Variants in ITGA9 observed in about 807,000 individuals in gnomAD.
ITGA9 encodes the protein integrin alpha-9.
A neutral mutation model predicts 127.8 loss-of-function variants in ITGA9; 56 were observed. The ratio of observed to expected loss-of-function variants is 0.44; its 90% confidence interval spans 0.35 to 0.55. ITGA9 has a LOEUF of 0.55. Among genes scored for constraint, ITGA9 ranks in the 20% least tolerant of loss-of-function variants. ITGA9 has a pLI of 0.00. For missense variants in ITGA9, 1,196 were observed against 1,347.1 expected (o/e 0.89, Z 1.76); for synonymous variants, 508 against 514.5 (o/e 0.99, Z 0.17).
At chr3:37,493,173 T>A (rs1392912302) in intron 4 of ITGA9, among the ~76,000 whole-genome samples, 1 of 152,240 alleles carries the variant, frequency 6.6e-6, no homozygotes, top group Admixed American at 6.5e-5. Context: ...AAAATGTTAC[T>A]AGGCTCTGTG....
chr3:37,644,510 C>T (rs1456938249), intron 16 of ITGA9, among the ~76,000 whole-genome samples: 1 of 152,090 alleles, frequency 6.6e-6, no homozygotes, highest in East Asian at 1.9e-4. Flanking sequence ...ATGGATGCAC[C>T]AAAGGCCCTG....
At chr3:37,552,954 G>A (rs1326999759) in intron 15 of ITGA9, among the ~76,000 whole-genome samples, 1 of 150,674 alleles carries the variant, frequency 6.6e-6, no homozygotes, top group Non-Finnish European at 1.5e-5. Flanking sequence ...GGCGGAGGTT[G>A]CAGTGAGCCA....
intron 21 of ITGA9, among the ~76,000 whole-genome samples, 193 bp from the exon 22 acceptor site, chr3:37,743,733 C>A (rs1055861500): frequency 2.0e-5 from 3 of 152,138 alleles, no homozygotes; most frequent in African/African-American, 7.2e-5. Flanking sequence ...ATTGACGTAA[C>A]CTAAGATGAG....
intron 15 of ITGA9, among the ~76,000 whole-genome samples, chr3:37,617,650 C>T (rs1482484040): frequency 6.6e-6 from 1 of 151,678 alleles, no homozygotes; most frequent in Non-Finnish European, 1.5e-5. Flanking sequence ...TTCTTGGAGG[C>T]TTTGTTCGTT....
chr3:37,816,295 T>C (rs1043847693), intron 27 of ITGA9, among the ~76,000 whole-genome samples: 1 of 152,164 alleles, frequency 6.6e-6, no homozygotes, highest in African/African-American at 2.4e-5. Flanking sequence ...ACTGTTAAGT[T>C]TCTGCTTGAT....
At chr3:37,803,037 A>G (rs1403008636) in intron 26 of ITGA9, among the ~76,000 whole-genome samples, 1 of 152,200 alleles carries the variant, frequency 6.6e-6, no homozygotes, top group Non-Finnish European at 1.5e-5. Context: ...ACTGTGTCCT[A>G]ACTCTAGTGG....
intron 23 of ITGA9, among the ~76,000 whole-genome samples, chr3:37,773,186 G>A (rs1696865204): frequency 6.6e-6 from 1 of 152,226 alleles, no homozygotes; most frequent in Admixed American, 6.5e-5. Flanking sequence ...GCACCGATGT[G>A]CAGAGCAAGG....
chr3:37,719,299 C>T (rs1701166198), intron 18 of ITGA9, among the ~76,000 whole-genome samples: 1 of 152,084 alleles, frequency 6.6e-6, no homozygotes, highest in Non-Finnish European at 1.5e-5. Context: ...TGTGCCAACC[C>T]GAGGGAAGAG....
intron 11 of ITGA9, 52 bp from the exon 12 acceptor site, chr3:37,523,469 T>A: frequency 7.3e-7 from 1 of 1,366,698 alleles, no homozygotes; most frequent in South Asian, 1.2e-5. Flanking sequence ...ACAGTTCTTA[T>A]TTGTGACTGT....
intron 16 of ITGA9, among the ~76,000 whole-genome samples, chr3:37,652,633 T>C (rs918078046): frequency 9.2e-5 from 14 of 152,214 alleles, no homozygotes; most frequent in Non-Finnish European, 1.8e-4. Flanking sequence ...TCTGAGGTGC[T>C]GCCTGGACTT....
intron 22 of ITGA9, chr3:37,748,923 AGACCTCTG>A: frequency 1.3e-6 from 1 of 766,786 alleles, no homozygotes; most frequent in Non-Finnish European, 2.4e-6. Context: ...AAAAAATGAA[AGACCTCTG>A]GACTGTTTAA....
At chr3:37,670,296 A>G (rs1461657619) in intron 17 of ITGA9, among the ~76,000 whole-genome samples, 11 of 151,940 alleles carry the variant, frequency 7.2e-5, no homozygotes, top group Admixed American at 5.2e-4. Flanking sequence ...CACCATGCTC[A>G]CCTTTCCTCC....
chr3:37,727,144 C>T (rs1034018414), intron 18 of ITGA9, among the ~76,000 whole-genome samples: 1 of 152,212 alleles, frequency 6.6e-6, no homozygotes, highest in East Asian at 1.9e-4. Context: ...GGTGCTACAG[C>T]TCGCTGCGCT....
chr3:37,804,031 T>A, intron 27 of ITGA9, 89 bp downstream of exon 27: 1 of 1,585,804 alleles, frequency 6.3e-7, no homozygotes, highest in Non-Finnish European at 8.7e-7. Flanking sequence ...AGTATCCTGT[T>A]AGAGCTTCCT....
chr3:37,684,655 G>T (rs1466065827), intron 18 of ITGA9, among the ~76,000 whole-genome samples: 2 of 152,224 alleles, frequency 1.3e-5, no homozygotes, highest in East Asian at 3.9e-4. Context: ...TTTTGGTAGA[G>T]ACAGGGTTTT....
At chr3:37,671,722 C>T (rs1034360746) in intron 17 of ITGA9, among the ~76,000 whole-genome samples, 1 of 152,048 alleles carries the variant, frequency 6.6e-6, no homozygotes, top group African/African-American at 2.4e-5. Flanking sequence ...AATTGAGGTG[C>T]GTTACAGGGG....
At chr3:37,699,559 A>G (rs1423794699) in intron 18 of ITGA9, among the ~76,000 whole-genome samples, 1 of 152,182 alleles carries the variant, frequency 6.6e-6, no homozygotes, top group Non-Finnish European at 1.5e-5. Flanking sequence ...ATTGATTGGC[A>G]ATAGCCTTCT....
At chr3:37,805,655 A>G (rs1463513014) in intron 27 of ITGA9, among the ~76,000 whole-genome samples, 5 of 152,086 alleles carry the variant, frequency 3.3e-5, no homozygotes, top group Admixed American at 2.6e-4. Flanking sequence ...AAGCTTTTTA[A>G]AAATTATATT....
At chr3:37,666,126 G>A (rs1446269167) in intron 17 of ITGA9, among the ~76,000 whole-genome samples, 2 of 152,162 alleles carry the variant, frequency 1.3e-5, no homozygotes, top group Non-Finnish European at 2.9e-5. Context: ...ATGAAAACAG[G>A]TATCACTAAC....
Sources: gnomAD v4.1 joint callset for allele counts (sites outside exome capture counted in the v4.1 genomes callset) on GRCh38, gnomAD v4.1.1 for gene constraint, MANE v1.5 for transcripts, NCBI Gene and HGNC (gene_info 2026-07-23, HGNC 2026-07-21) for gene names.